Variants in RIPOR2 observed in about 807,000 individuals in gnomAD.
The protein encoded by RIPOR2 is RHO family interacting cell polarization regulator 2, also known as rho family-interacting cell polarization regulator 2.
A neutral mutation model predicts 114.5 loss-of-function variants in RIPOR2; 39 were observed. The observed-to-expected ratio is 0.34, with a 90% CI of 0.26 to 0.44. The LOEUF (loss-of-function observed/expected upper bound fraction) is 0.44, where lower values mean the gene tolerates loss of function less well. Ranked by LOEUF, RIPOR2 falls within the 20% of genes least tolerant of loss-of-function variation. RIPOR2 has a pLI of 1.00. For missense variants in RIPOR2, 1,007 were observed against 1,255.1 expected (o/e 0.80, Z 2.99); for synonymous variants, 445 against 484.4 (o/e 0.92, Z 1.07).
intron 1 of RIPOR2, among the ~76,000 whole-genome samples, chr6:24,928,028 G>A (rs1771095522): frequency 6.6e-6 from 1 of 152,180 alleles, no homozygotes; most frequent in Admixed American, 6.5e-5. Context: ...TACTCAGATT[G>A]TAGAATGCAG....
intron 1 of RIPOR2, among the ~76,000 whole-genome samples, chr6:24,930,347 G>T (rs990741527): frequency 3.3e-5 from 5 of 152,144 alleles, no homozygotes; most frequent in African/African-American, 4.8e-5. Context: ...TTCCTAAAAA[G>T]TTAAGACTTG....
intron 1 of RIPOR2, among the ~76,000 whole-genome samples, chr6:25,041,246 A>T (rs2113784276): frequency 6.6e-6 from 1 of 152,344 alleles, no homozygotes; most frequent in Admixed American, 6.5e-5. Flanking sequence ...ACACACACAA[A>T]TTTGTTACTT....
At chr6:24,935,546 A>T (rs1771745517) in intron 1 of RIPOR2, among the ~76,000 whole-genome samples, 1 of 152,178 alleles carries the variant, frequency 6.6e-6, no homozygotes, top group Non-Finnish European at 1.5e-5. Context: ...AGCACAGAAG[A>T]GAGACAAGGC....
upstream of RIPOR2, chr6:25,042,154 G>A (rs2113786927): frequency 2.2e-6 from 1 of 456,522 alleles, no homozygotes; most frequent in Non-Finnish European, 3.9e-6. Context: ...CTGGCCCGAA[G>A]GCAGCTGCTG....
intron 1 of RIPOR2, among the ~76,000 whole-genome samples, chr6:25,012,655 T>TA (rs1208063745): frequency 6.6e-6 from 1 of 152,240 alleles, no homozygotes; most frequent in Non-Finnish European, 1.5e-5. Flanking sequence ...TGATCCTATT[T>TA]ATATAAAATA....
intron 4 of RIPOR2, 25 bp from the exon 5 acceptor site, chr6:24,870,914 C>A (rs1342377805): frequency 6.6e-7 from 1 of 1,511,826 alleles, no homozygotes; most frequent in Non-Finnish European, 9.0e-7. Context: ...GGAATATCTG[C>A]ATTTAAACAT....
In RIPOR2 at chr6:24,875,852, G is replaced by C. The variant is rs1438743954; in HGVS notation, c.62-35C>G. 3 of 1,567,200 alleles carry C rather than the reference G, an allele frequency of 1.9e-6. No individual in the cohort carries two copies. The East Asian group carries it at 7.1e-5, about 37-fold the overall frequency. On this transcript the variant is annotated intron_variant, in intron 1 of 21. Transcript: ENST00000643898. ...AGTGGAAAGATCATGACAATTTATA[G>C]GCAGGTTCAGACAGAAGATGCACTA...
At chr6:24,950,072 G>A (rs893465440) in intron 1 of RIPOR2, among the ~76,000 whole-genome samples, 24 of 152,182 alleles carry the variant, frequency 1.6e-4, no homozygotes, top group African/African-American at 9.7e-5. Flanking sequence ...TTGCATCCAT[G>A]TAGTTCAGTT....
At chr6:24,946,121 T>G (rs865832247) in intron 1 of RIPOR2, among the ~76,000 whole-genome samples, 9 of 152,046 alleles carry the variant, frequency 5.9e-5, no homozygotes, top group Middle Eastern at 3.4e-3. Context: ...CTTACTCTGT[T>G]GCCCAGGCTG....
chr6:24,990,387 A>G (rs577190871), intron 1 of RIPOR2, among the ~76,000 whole-genome samples: 1 of 152,334 alleles, frequency 6.6e-6, no homozygotes, highest in African/African-American at 2.4e-5. Flanking sequence ...CAAAAGAGGA[A>G]CTCCAACATT....
At chr6:24,839,926 G>A in intron 13 of RIPOR2, 10 of 211,668 alleles carry the variant, frequency 4.7e-5, no homozygotes, top group Non-Finnish European at 7.6e-5. Flanking sequence ...TAGGTAAGAA[G>A]CCCTGCATCT....
At chr6:24,911,735 T>C (rs1171253167) in intron 1 of RIPOR2, among the ~76,000 whole-genome samples, 1 of 152,182 alleles carries the variant, frequency 6.6e-6, no homozygotes, top group Non-Finnish European at 1.5e-5. Context: ...GTGGAAACTG[T>C]ATGGAACTGG....
At chr6:24,971,175 A>G (rs384245) in intron 1 of RIPOR2, among the ~76,000 whole-genome samples, 125,228 of 152,216 alleles carry the variant, frequency 0.82, 54,319 homozygotes, top group East Asian at 0.96. Flanking sequence ...AATTAATAGC[A>G]GTTGTGGCTG....
intron 1 of RIPOR2, chr6:25,023,894 T>A (rs1561849912): frequency 2.8e-6 from 2 of 721,904 alleles, no homozygotes; most frequent in Non-Finnish European, 2.6e-6. Flanking sequence ...GGCACTTGGT[T>A]CTTGGGGTTC....
chr6:24,910,723 CTCAT>C lies in RIPOR2; in HGVS notation c.61+25111_61+25114del, dbSNP rs146916077. The C allele has an allele frequency of 8.5e-3, 6,162 of 725,602 alleles. 209 individuals carry two copies. The African/African-American group carries it at 0.088, about 10-fold the overall frequency. The allele number at this position is 725,602 out of a possible 1,614,324, so 44.9% of individuals were successfully genotyped here. On this transcript the variant is annotated intron_variant, in intron 1 of 21. Coordinates refer to ENST00000643898, the MANE Select transcript of RIPOR2 (RefSeq NM_001286445.3). ...TTCAACGGCTGCTTAGCATTCAACG[CTCAT>C]TCAAGTCGAGGACACCCCTCCCCAC...
At chr6:24,958,154 C>T (rs1466042818) in intron 1 of RIPOR2, among the ~76,000 whole-genome samples, 1 of 151,978 alleles carries the variant, frequency 6.6e-6, no homozygotes, top group African/African-American at 2.4e-5. Flanking sequence ...TTTTAAAAAG[C>T]TATGTTTTGC....
chr6:24,846,614 C>T (rs544450319), intron 12 of RIPOR2, among the ~76,000 whole-genome samples: 2 of 152,128 alleles, frequency 1.3e-5, no homozygotes, highest in South Asian at 4.1e-4. Context: ...CCTTCACCTG[C>T]ATTTTTTAAT....
At position 24,969,490 on chromosome 6, in the gene RIPOR2, C is replaced by A. The variant is rs117401503; in HGVS notation, c.76+72361G>T. Among the ~76,000 whole-genome samples the A allele has an allele frequency of 5.3e-5, 8 of 152,312 alleles. No homozygotes were observed. In the East Asian group the frequency reaches 7.7e-4, roughly 15 times the overall value. ...TAACCCAAAGAAGCTCTTTGACATA[C>A]TGAGTTGAATAACTTTTTACTCACT... On this transcript the variant is annotated intron_variant, in intron 1 of 13. Coordinates refer to the RIPOR2 transcript ENST00000510784.
At chr6:24,891,514 T>TTA (rs1767354862) in intron 1 of RIPOR2, among the ~76,000 whole-genome samples, 1 of 148,372 alleles carries the variant, frequency 6.7e-6, no homozygotes, top group African/African-American at 2.5e-5. Flanking sequence ...AGTAACGAGA[T>TTA]AAAAAAAAAA....
Sources: gnomAD v4.1 joint callset for allele counts (sites outside exome capture counted in the v4.1 genomes callset) on GRCh38, gnomAD v4.1.1 for gene constraint, MANE v1.5 for transcripts, NCBI Gene and HGNC (gene_info 2026-07-23, HGNC 2026-07-21) for gene names.